Variants in PAM observed in about 807,000 individuals in gnomAD.
PAM encodes the protein peptidylglycine alpha-amidating monooxygenase.
PAM carries 72 observed loss-of-function variants against 122.1 expected under a neutral mutation model. The ratio of observed to expected loss-of-function variants is 0.59; its 90% CI spans 0.49 to 0.72. PAM has a LOEUF of 0.72. PAM is among the 30% of genes least tolerant of loss of function. The pLI is 0.00. For missense variants in PAM, 1,106 were observed against 1,183.7 expected, an observed-to-expected ratio of 0.93 and a Z score of 0.96; for synonymous variants, 389 against 404.4, an observed-to-expected ratio of 0.96 and a Z score of 0.46.
chr5:102,914,741 A>G (rs1006889723), intron 5 of PAM, among the ~76,000 whole-genome samples: 1 of 152,104 alleles, frequency 6.6e-6, no homozygotes, highest in Non-Finnish European at 1.5e-5. Context: ...TAGTAACAAA[A>G]CTGGTGCAAG....
chr5:102,924,993 T>C lies in PAM; in HGVS notation c.393T>C (p.Asn131=), dbSNP rs201178915. The C allele has an allele frequency of 1.4e-4, 226 of 1,592,284 alleles. 1 individual carries two copies. Among genetic ancestry groups the C allele is most frequent in the Non-Finnish European group, 1.9e-4 (220 of 1,160,120 alleles). Residue 131 remains asparagine, a synonymous_variant, in exon 6 of 26, where the codon AAT becomes AAC. Coordinates refer to ENST00000438793, the MANE Select transcript of PAM (RefSeq NM_001177306.2). The part of the protein sequence containing the change: ...CDEGTCTDKA[N]ILYAWARNAP... ...AAGGAACCTGTACAGATAAAGCCAA[T>C]ATTCTGTATGCCTGGGCGAGAAATG...
In PAM at chr5:103,029,417, T is replaced by C. The variant is rs1583071709; in HGVS notation, c.*352T>C. 2 of 171,200 alleles carry C rather than the reference T, an allele frequency of 1.2e-5. No homozygotes were observed. The highest frequency in any genetic ancestry group is 2.4e-5 in the African/African-American group (1 of 42,366). 10.6% of individuals were successfully genotyped at this position (171,200 alleles called of 1,614,324 possible). A position where few individuals can be genotyped will look rare whatever the true frequency, so the allele number is the denominator to read the frequency against. ...TTGCTTGAACACAGTATTTTCCCAATAGCACTTTCATTGCCAGTGTCTTTC... is the reference window on the plus strand; with the variant it reads ...TTGCTTGAACACAGTATTTTCCCAACAGCACTTTCATTGCCAGTGTCTTTC... On this transcript the variant is annotated 3_prime_UTR_variant, in exon 26 of 26. Transcript: ENST00000438793.
At chr5:102,881,630 C>T (rs1791115216) in intron 3 of PAM, among the ~76,000 whole-genome samples, 1 of 150,280 alleles carries the variant, frequency 6.7e-6, no homozygotes, top group Admixed American at 6.6e-5. Context: ...GAAATATTGC[C>T]ATTATATATT....
chr5:102,952,239 C>T (rs1298027376), intron 12 of PAM, among the ~76,000 whole-genome samples: 1 of 152,018 alleles, frequency 6.6e-6, no homozygotes, highest in Non-Finnish European at 1.5e-5. Context: ...GTTACTTTGG[C>T]CAAATTCTAT....
chr5:103,017,317 GCTT>G lies in PAM; in HGVS notation c.2332-13_2332-11del. ...TAAAGGCTCACCACTCTAATGTGTA[GCTT>G]CTTATTTTGGCAGCACTTTGATATG... On this transcript the variant is annotated splice_polypyrimidine_tract_variant and intron_variant, in intron 21 of 25. Coordinates refer to ENST00000438793, the MANE Select transcript of PAM (RefSeq NM_001177306.2). 1.3e-6 allele frequency: 2 copies of G among 1,513,586 alleles called. No individual in the cohort carries two copies. Among genetic ancestry groups the G allele is most frequent in the East Asian group, 2.3e-5 (1 of 44,382 alleles). The allele number at this position is 1,513,586 out of a possible 1,614,324, so 93.8% of individuals were successfully genotyped here. A position where few individuals can be genotyped will look rare whatever the true frequency, so the allele number is the denominator to read the frequency against.
chr5:102,868,450 A>T (rs2150974205), intron 3 of PAM, among the ~76,000 whole-genome samples: 1 of 152,274 alleles, frequency 6.6e-6, no homozygotes, highest in African/African-American at 2.4e-5. Flanking sequence ...TGTAAAAATG[A>T]CTTTCACTTC....
intron 3 of PAM, among the ~76,000 whole-genome samples, chr5:102,879,133 T>C (rs1790172228): frequency 6.6e-6 from 1 of 152,030 alleles, no homozygotes; most frequent in Non-Finnish European, 1.5e-5. Context: ...GGTTTCACCA[T>C]GTTAGCCAGG....
chr5:102,874,928 A>G (rs975761547), intron 3 of PAM, among the ~76,000 whole-genome samples: 2 of 152,168 alleles, frequency 1.3e-5, no homozygotes, highest in African/African-American at 4.8e-5. Context: ...TAACGTGTTC[A>G]TAGCAAATAG....
intron 3 of PAM, among the ~76,000 whole-genome samples, chr5:102,880,036 C>T (rs1232726454): frequency 6.6e-6 from 1 of 152,158 alleles, no homozygotes; most frequent in African/African-American, 2.4e-5. Flanking sequence ...GTCCCAGCAC[C>T]TTTGGAAGCC....
At chr5:103,014,528 A>G (rs893113776) in intron 21 of PAM, among the ~76,000 whole-genome samples, 7 of 152,212 alleles carry the variant, frequency 4.6e-5, no homozygotes, top group Admixed American at 3.3e-4. Context: ...TTATTATCAC[A>G]AAGATTAATT....
intron 21 of PAM, among the ~76,000 whole-genome samples, chr5:103,012,140 C>T (rs1780799935): frequency 6.6e-6 from 1 of 152,110 alleles, no homozygotes; most frequent in African/African-American, 2.4e-5. Context: ...GTTGTTTGAG[C>T]TCCTTATATA....
At chr5:102,814,058 G>GC (rs1171390033) in intron 1 of PAM, among the ~76,000 whole-genome samples, 2 of 152,170 alleles carry the variant, frequency 1.3e-5, no homozygotes, top group African/African-American at 4.8e-5. Context: ...TCTGGATGTA[G>GC]CCCCAGCAAT....
At chr5:102,771,103 A>C (rs1755670548) in intron 1 of PAM, among the ~76,000 whole-genome samples, 1 of 152,128 alleles carries the variant, frequency 6.6e-6, no homozygotes, top group South Asian at 2.1e-4. Flanking sequence ...GAAAACAAAA[A>C]AGCCAGTTTT....
At chr5:102,793,177 C>G (rs1762488438) in intron 1 of PAM, among the ~76,000 whole-genome samples, 1 of 152,102 alleles carries the variant, frequency 6.6e-6, no homozygotes, top group Non-Finnish European at 1.5e-5. Context: ...AAAATTCCCT[C>G]CGTGTAAATT....
intron 5 of PAM, among the ~76,000 whole-genome samples, chr5:102,920,806 T>C (rs1042535789): frequency 6.6e-6 from 1 of 152,096 alleles, no homozygotes; most frequent in Admixed American, 6.6e-5. Flanking sequence ...AATTTTTTTT[T>C]TTTTTAGCCA....
intron 1 of PAM, among the ~76,000 whole-genome samples, chr5:102,793,762 C>T (rs1580191050): frequency 6.6e-6 from 1 of 151,960 alleles, no homozygotes; most frequent in Non-Finnish European, 1.5e-5. Context: ...GTAATTATAG[C>T]AAGTATTTTA....
intron 1 of PAM, among the ~76,000 whole-genome samples, chr5:102,860,907 T>C (rs1467835288): frequency 1.3e-5 from 2 of 152,120 alleles, no homozygotes; most frequent in African/African-American, 4.8e-5. Context: ...TAGCTATTCA[T>C]GCCCTGGGTG....
intron 15 of PAM, among the ~76,000 whole-genome samples, chr5:102,987,249 A>T (rs1772169673): frequency 6.6e-6 from 1 of 152,192 alleles, no homozygotes; most frequent in Non-Finnish European, 1.5e-5. Flanking sequence ...TTGCAGCAAC[A>T]TGTGTGAAAC....
chr5:102,804,186 T>C (rs913636334), intron 1 of PAM, among the ~76,000 whole-genome samples: 1 of 152,204 alleles, frequency 6.6e-6, no homozygotes, highest in Non-Finnish European at 1.5e-5. Context: ...CTGGTAAAGA[T>C]GGGCTTACGC....
Sources: allele counts gnomAD v4.1 joint callset (sites outside exome capture counted in the v4.1 genomes callset), GRCh38; gene constraint gnomAD v4.1.1; transcripts MANE v1.5; gene names NCBI Gene and HGNC (gene_info 2026-07-23, HGNC 2026-07-21).